The following EFNA5 variants were observed in gnomAD, a reference collection of about 807,000 sequenced individuals.
EFNA5 encodes ephrin A5, also known as ephrin-A5.
A neutral mutation model predicts 22.9 loss-of-function variants in EFNA5; 5 were observed. The ratio of observed to expected loss-of-function variants is 0.22; its 90% CI spans 0.11 to 0.46. EFNA5 has a LOEUF of 0.46. Ranked by LOEUF, EFNA5 falls within the 20% of genes least tolerant of loss-of-function variation. The probability of loss-of-function intolerance (pLI) is 0.99; values close to 1 mark genes in which losing one functional copy is unlikely to be tolerated. For missense variants in EFNA5, 237 were observed against 293.3 expected, an observed-to-expected ratio of 0.81 and a Z score of 1.40; for synonymous variants, 113 against 112.2, an observed-to-expected ratio of 1.01 and a Z score of -0.04.
chr5:107,615,652 A>G (rs1328390813), intron 1 of EFNA5, among the ~76,000 whole-genome samples: 1 of 152,196 alleles, frequency 6.6e-6, no homozygotes, highest in East Asian at 1.9e-4. Flanking sequence ...GTTTCTAGAG[A>G]GCAGACCAAA....
intron 1 of EFNA5, among the ~76,000 whole-genome samples, chr5:107,438,832 G>A (rs189104413): frequency 2.6e-5 from 4 of 152,322 alleles, no homozygotes; most frequent in Admixed American, 2.6e-4. Context: ...CTGTTGGAAG[G>A]TGGGAAGGCA....
chr5:107,550,832 A>G (rs1227660746), intron 1 of EFNA5, among the ~76,000 whole-genome samples: 1 of 152,184 alleles, frequency 6.6e-6, no homozygotes, highest in Non-Finnish European at 1.5e-5. Flanking sequence ...TATTCTAGGT[A>G]GACTACAGTA....
intron 1 of EFNA5, among the ~76,000 whole-genome samples, chr5:107,633,183 T>A (rs895063841): frequency 1.3e-5 from 2 of 152,192 alleles, no homozygotes; most frequent in African/African-American, 4.8e-5. Flanking sequence ...TTAATACCAA[T>A]GGGGTCAAGA....
At chr5:107,432,415 A>G (rs1748987991) in intron 1 of EFNA5, among the ~76,000 whole-genome samples, 2 of 152,162 alleles carry the variant, frequency 1.3e-5, no homozygotes, top group Admixed American at 1.3e-4. Context: ...TTCTTGGAAA[A>G]TTTCTTGTAA....
intron 1 of EFNA5, among the ~76,000 whole-genome samples, chr5:107,465,052 T>C (rs540490761): frequency 2.8e-5 from 4 of 142,618 alleles, no homozygotes; most frequent in African/African-American, 1.1e-4. Flanking sequence ...AACTTTCCAT[T>C]CTGTGTGAGG....
At chr5:107,571,755 G>GA (rs1226455417) in intron 1 of EFNA5, among the ~76,000 whole-genome samples, 7 of 152,092 alleles carry the variant, frequency 4.6e-5, no homozygotes, top group Admixed American at 1.3e-4. Flanking sequence ...CCTGACGAGA[G>GA]AAAACAAAGC....
chr5:107,384,278 C>T (rs536292075), intron 4 of EFNA5, among the ~76,000 whole-genome samples: 1 of 152,164 alleles, frequency 6.6e-6, no homozygotes, highest in African/African-American at 2.4e-5. Context: ...AGTTTTGCCT[C>T]CTGGCTACAG....
At chr5:107,448,076 A>C (rs1466220312) in intron 1 of EFNA5, among the ~76,000 whole-genome samples, 1 of 152,166 alleles carries the variant, frequency 6.6e-6, no homozygotes, top group African/African-American at 2.4e-5. Context: ...GATTATAGGC[A>C]TGAGCCACTG....
At chr5:107,479,140 C>T (rs2112396441) in intron 1 of EFNA5, among the ~76,000 whole-genome samples, 1 of 152,276 alleles carries the variant, frequency 6.6e-6, no homozygotes, top group African/African-American at 2.4e-5. Context: ...GAGATTTGTT[C>T]ACACTTGGTA....
chr5:107,592,260 T>C (rs972635236), intron 1 of EFNA5, among the ~76,000 whole-genome samples: 8 of 150,498 alleles, frequency 5.3e-5, no homozygotes, highest in African/African-American at 2.0e-4. Context: ...TTCAAGTATA[T>C]TTTCAAATAG....
intron 1 of EFNA5, among the ~76,000 whole-genome samples, chr5:107,524,519 A>G (rs941205866): frequency 2.6e-5 from 4 of 152,240 alleles, no homozygotes; most frequent in Admixed American, 6.5e-5. Flanking sequence ...TATTTACTCC[A>G]CTAATGCAAA....
intron 1 of EFNA5, among the ~76,000 whole-genome samples, chr5:107,473,199 ACT>A (rs1750191105): frequency 6.7e-6 from 1 of 148,618 alleles, no homozygotes; most frequent in East Asian, 2.0e-4. Flanking sequence ...TGAAACTTAC[ACT>A]CTATTCGACC....
At chr5:107,423,413 T>TAAAAAAAAAA (rs11484483) in intron 2 of EFNA5, among the ~76,000 whole-genome samples, 1 of 145,340 alleles carries the variant, frequency 6.9e-6, no homozygotes. Flanking sequence ...AAAGGAGTAT[T>TAAAAAAAAAA]AAAAAAAAAA....
At chr5:107,576,495 T>C (rs1397066078) in intron 1 of EFNA5, among the ~76,000 whole-genome samples, 1 of 152,152 alleles carries the variant, frequency 6.6e-6, no homozygotes, top group Non-Finnish European at 1.5e-5. Context: ...TGCAAAAGAA[T>C]TACATGAAAA....
At chr5:107,554,639 T>A (rs1329703477) in intron 1 of EFNA5, among the ~76,000 whole-genome samples, 15 of 152,164 alleles carry the variant, frequency 9.9e-5, no homozygotes, top group Admixed American at 9.8e-4. Context: ...AAGAGAAATA[T>A]CCATGAAGTG....
intron 1 of EFNA5, among the ~76,000 whole-genome samples, chr5:107,501,886 C>G (rs1021980513): frequency 1.1e-4 from 16 of 152,148 alleles, no homozygotes; most frequent in Middle Eastern, 3.2e-3. Context: ...AAAAAGTAGT[C>G]GATCTAGAAT....
At chr5:107,407,624 T>C (rs1035888220) in intron 2 of EFNA5, among the ~76,000 whole-genome samples, 2 of 152,186 alleles carry the variant, frequency 1.3e-5, no homozygotes, top group Non-Finnish European at 2.9e-5. Context: ...TCTTAAATAC[T>C]AAGAACCCAA....
intron 1 of EFNA5, among the ~76,000 whole-genome samples, chr5:107,626,447 TA>T (rs1218811288): frequency 2.0e-5 from 3 of 151,930 alleles, no homozygotes; most frequent in East Asian, 1.9e-4. Context: ...CTAATTAATT[TA>T]AAAAAAATTT....
intron 1 of EFNA5, among the ~76,000 whole-genome samples, chr5:107,644,582 CA>C (rs1004280902): frequency 1.3e-5 from 2 of 152,116 alleles, no homozygotes; most frequent in Non-Finnish European, 2.9e-5. Flanking sequence ...ATTTTGTCAT[CA>C]AAAAATCTTT....
Sources: allele counts gnomAD v4.1 joint callset (sites outside exome capture counted in the v4.1 genomes callset), GRCh38; gene constraint gnomAD v4.1.1; transcripts MANE v1.5; gene names NCBI Gene and HGNC (gene_info 2026-07-23, HGNC 2026-07-21).